Variants in ING1 observed in about 807,000 individuals in gnomAD.
ING1 encodes the protein inhibitor of growth protein 1.
Under a neutral mutation model 23.1 loss-of-function variants are expected in ING1, and 4 were observed. That is an observed-to-expected ratio of 0.17 (90% CI 0.09 to 0.40). The LOEUF is 0.40. ING1 is among the 10% of genes least tolerant of loss of function. The probability of loss-of-function intolerance (pLI) is 1.00; values close to 1 mark genes in which losing one functional copy is unlikely to be tolerated. For synonymous variants in ING1, 179 were observed against 166.4 expected (o/e 1.08, Z -0.58); for missense variants, 256 against 393.8 (o/e 0.65, Z 2.96).
rs2064166459 is a variant in ING1, at chr13:110,720,848, T to A, written c.*916T>A. 6.0e-6 allele frequency: 1 copy of A among 167,114 alleles called. No individual in the cohort carries two copies. Among genetic ancestry groups the A allele is most frequent in the Admixed American group, 6.5e-5 (1 of 15,286 alleles). 10.4% of individuals were successfully genotyped at this position (167,114 alleles called of 1,614,324 possible). On this transcript the variant is annotated 3_prime_UTR_variant, in exon 2 of 2. Transcript: ENST00000333219. ...TCTTAAAAATTTATACACCAGCAAT[T>A]TAGACAAAGCCTTAAGCAAATTTTG...
upstream of ING1, chr13:110,712,648 G>A (rs1766471918): frequency 3.4e-6 from 2 of 594,514 alleles, no homozygotes; most frequent in Non-Finnish European, 6.3e-6. Context: ...ACGCGGGGGA[G>A]GGCGGTCCGG....
chr13:110,712,964 C>G (rs1009272237), upstream of ING1: 1 of 1,559,982 alleles, frequency 6.4e-7, no homozygotes, highest in Admixed American at 1.9e-5. Context: ...AGTGGTGGTC[C>G]GGCCGCGGAA....
rs1337029603 is a variant in ING1 at position 110,723,084 on chromosome 13, C to G, written c.*3152C>G. On this transcript the variant is annotated 3_prime_UTR_variant, in exon 2 of 2. Coordinates refer to ENST00000333219, the MANE Select transcript of ING1 (RefSeq NM_198219.3). ...AAAGTGTTTTCGTTATGATATAATA[C>G]TTTCTATTGTAAACTGGACTAAAGA... 6.6e-6 allele frequency: 1 copy of G among 152,154 alleles called. No individual in the cohort carries two copies. Among genetic ancestry groups the G allele is most frequent in the Non-Finnish European group, 1.5e-5 (1 of 68,026 alleles). 9.4% of individuals were successfully genotyped at this position (152,154 alleles called of 1,614,324 possible).
rs531217733 is a variant in ING1 at position 110,715,860 on chromosome 13, T to C, written c.136+1575T>C. ...GCCCGGCCACTTTCGGGCGCGGATTTATAGCAGTAGCAGTGATCCCGGGCC... is the reference window on the plus strand; with the variant it reads ...GCCCGGCCACTTTCGGGCGCGGATTCATAGCAGTAGCAGTGATCCCGGGCC... On this transcript the variant is annotated intron_variant, in intron 1 of 1. Transcript: ENST00000333219. 4.1e-5 allele frequency: 66 copies of C among 1,596,052 alleles called. No individual in the cohort carries two copies. In the Middle Eastern group the frequency reaches 8.5e-4, roughly 21 times the overall value.
chr13:110,715,899 C>T, intron 1 of ING1: 2 of 1,585,766 alleles, frequency 1.3e-6, no homozygotes, highest in Non-Finnish European at 1.7e-6. Flanking sequence ...GGGCTCGGGG[C>T]CGGGGCTGCA....
At chr13:110,712,999 C>T (rs756578782), upstream of ING1, 6 of 1,544,000 alleles carry the variant, frequency 3.9e-6, no homozygotes, top group East Asian at 4.9e-5. Flanking sequence ...GCGCACTCTG[C>T]GGCCGCAGCT....
intron 1 of ING1, among the ~76,000 whole-genome samples, chr13:110,714,709 T>TCCCGCGGACCCGGTGCCTCGGTC (rs1168901953): frequency 2.0e-5 from 3 of 152,084 alleles, no homozygotes; most frequent in African/African-American, 7.2e-5. Flanking sequence ...GGGCCGGGGT[T>TCCCGCGGACCCGGTGCCTCGGTC]CCCGCGGACC....
intron 1 of ING1, among the ~76,000 whole-genome samples, chr13:110,718,881 G>C (rs773883768): frequency 2.8e-4 from 42 of 152,128 alleles, no homozygotes; most frequent in Non-Finnish European, 5.1e-4. Context: ...ATAAATGTTG[G>C]GTCCCGAGCA....
intron 1 of ING1, among the ~76,000 whole-genome samples, chr13:110,716,193 G>A (rs1405713860): frequency 6.6e-6 from 1 of 152,232 alleles, no homozygotes; most frequent in African/African-American, 2.4e-5. Flanking sequence ...GGGGTGCAGG[G>A]TTCCAGCTGT....
intron 1 of ING1, chr13:110,715,882 G>A (rs1273865643): frequency 6.3e-7 from 1 of 1,590,184 alleles, no homozygotes; most frequent in Non-Finnish European, 8.5e-7. Context: ...AGTGATCCCG[G>A]GCCTGTGGGC....
rs768899541 is a variant in ING1, at chr13:110,714,283, A to T, written c.134A>T (p.Gln45Leu). 1.3e-6 allele frequency: 2 copies of T among 1,561,144 alleles called. No individual in the cohort carries two copies. Among genetic ancestry groups the T allele is most frequent in the Admixed American group, 3.7e-5 (2 of 53,890 alleles). Residue 45 changes from glutamine to leucine, a missense_variant and splice_region_variant, in exon 1 of 2, where the codon CAA (glutamine) becomes CTA (leucine). By Grantham distance (113) the Gln-to-Leu change is moderately radical. Coordinates refer to ENST00000333219, the MANE Select transcript of ING1 (RefSeq NM_198219.3). ...ATGCGGGAGATCGACGCGAAATACCAAGGTACGGCCGGGTGATGGATGGGC... is the reference window on the plus strand; with the variant it reads ...ATGCGGGAGATCGACGCGAAATACCTAGGTACGGCCGGGTGATGGATGGGC... Reference protein sequence around the residue: ...SLMREIDAKYQEILKELDECY... With the variant: ...SLMREIDAKYLEILKELDECY...
Position 110,716,064 on chromosome 13 carries a change from G to A in ING1, c.136+1779G>A. 3 of 1,471,754 alleles carry A rather than the reference G, an allele frequency of 2.0e-6. 1 individual carries two copies. The highest frequency in any genetic ancestry group is 2.4e-4 in the Middle Eastern group (1 of 4,134). The allele number at this position is 1,471,754 out of a possible 1,614,324, so 91.2% of individuals were successfully genotyped here. ...GACCCTCGGCGCAGAAACTTTTCTG[G>A]AAGGTGCTGTCCTCGGGCCGGACGG... is the stretch of plus-strand genomic sequence containing the variant. On this transcript the variant is annotated intron_variant, in intron 1 of 1. Coordinates refer to ENST00000333219, the MANE Select transcript of ING1 (RefSeq NM_198219.3).
chr13:110,713,127 C>T (rs1453802017), upstream of ING1: 2 of 1,426,526 alleles, frequency 1.4e-6, no homozygotes, highest in African/African-American at 2.9e-5. Context: ...GTCCGGGGGG[C>T]ATTACTCACG....
At chr13:110,716,350 C>T (rs1307081407) in intron 1 of ING1, among the ~76,000 whole-genome samples, 1 of 152,096 alleles carries the variant, frequency 6.6e-6, no homozygotes, top group Non-Finnish European at 1.5e-5. Context: ...AGTACTGGAG[C>T]GGCGCAGCTG....
At chr13:110,713,546 G>A (rs1363933278), upstream of ING1, 8 of 986,216 alleles carry the variant, frequency 8.1e-6, no homozygotes, top group Non-Finnish European at 9.6e-6. Context: ...ACGCCCCCGC[G>A]AGGGCCGGCC....
chr13:110,717,321 T>G (rs1414921615), intron 1 of ING1, among the ~76,000 whole-genome samples: 1 of 152,212 alleles, frequency 6.6e-6, no homozygotes, highest in African/African-American at 2.4e-5. Context: ...CAGCCTGCAT[T>G]GTTCCTCTAG....
At chr13:110,715,513 C>T (rs1240536960) in intron 1 of ING1, 2 of 1,614,082 alleles carry the variant, frequency 1.2e-6, no homozygotes, top group Non-Finnish European at 1.7e-6. Context: ...TGAAGGCGGG[C>T]CTAGCGCAAT....
Position 110,720,739 on chromosome 13 carries a change from T to A in ING1, c.*807T>A, listed in dbSNP as rs2064165485. ...CTGCTGTATGTGAGCTGTAAAAATG[T>A]TACGTGAAGAAATAAATGAAACTTG... is the stretch of plus-strand genomic sequence containing the variant. On this transcript the variant is annotated 3_prime_UTR_variant, in exon 2 of 2. Coordinates refer to ENST00000333219, the MANE Select transcript of ING1 (RefSeq NM_198219.3). The A allele has an allele frequency of 6.0e-6, 1 of 167,126 alleles. No individual in the cohort carries two copies. The highest frequency in any genetic ancestry group is 6.5e-5 in the Admixed American group (1 of 15,290). The allele number at this position is 167,126 out of a possible 1,614,324, so 10.4% of individuals were successfully genotyped here. A position where few individuals can be genotyped will look rare whatever the true frequency, so the allele number is the denominator to read the frequency against.
chr13:110,719,514 A>C lies in ING1; in HGVS notation c.422A>C (p.Gln141Pro), dbSNP rs745782710. Reference protein sequence around the residue: ...ADRPKGEAAAQADKPNSKRSR... With the variant: ...ADRPKGEAAAPADKPNSKRSR... Reference sequence around the variant, plus strand: ...AGGCCCAAAGGCGAGGCGGCAGCGCAGGCTGACAAGCCCAACAGCAAGCGC... The same window carrying C: ...AGGCCCAAAGGCGAGGCGGCAGCGCCGGCTGACAAGCCCAACAGCAAGCGC... Residue 141 changes from glutamine (Q) to proline (P), a missense_variant, in exon 2 of 2, where the codon CAG becomes CCG. Transcript: ENST00000333219. The surrounding 1 kb of genome is among the most constrained non-coding windows in gnomAD (Gnocchi z 8.9). 6.2e-7 allele frequency: 1 copy of C among 1,611,264 alleles called. No homozygotes were observed. The highest frequency in any genetic ancestry group is 8.5e-7 in the Non-Finnish European group (1 of 1,178,944).
Sources: gnomAD v4.1 joint callset for allele counts (sites outside exome capture counted in the v4.1 genomes callset) on GRCh38, gnomAD v4.1.1 for gene constraint, Gnocchi (gnomAD v3.1) non-coding constraint, MANE v1.5 for transcripts, NCBI Gene and HGNC (gene_info 2026-07-23, HGNC 2026-07-21) for gene names.